PPIG: variants seen among roughly 807,000 people sequenced by gnomAD.
PPIG encodes the protein peptidylprolyl isomerase G.
PPIG carries 26 observed loss-of-function variants against 87.9 expected under a neutral mutation model. The ratio of observed to expected loss-of-function variants is 0.30; its 90% CI spans 0.22 to 0.41. The LOEUF is 0.41. Among genes scored for constraint, PPIG ranks in the 10% least tolerant of loss-of-function variants. PPIG has a pLI of 1.00. For missense variants in PPIG, 722 were observed against 879.4 expected, an observed-to-expected ratio of 0.82 and a Z score of 2.26; for synonymous variants, 308 against 276.5, an observed-to-expected ratio of 1.11 and a Z score of -1.13.
intron 1 of PPIG, among the ~76,000 whole-genome samples, chr2:169,585,349 C>G (rs1229591236): frequency 1.4e-5 from 2 of 147,474 alleles, no homozygotes; most frequent in African/African-American, 2.5e-5. Context: ...GCAACCTCCG[C>G]CTCCTGGGTT....
At chr2:169,603,060 A>G (rs78308866) in intron 1 of PPIG, among the ~76,000 whole-genome samples, 4,136 of 152,302 alleles carry the variant, frequency 0.027, 78 homozygotes, top group East Asian at 0.1. Flanking sequence ...ATGTTTACTG[A>G]GTATTCAAGG....
chr2:169,607,221 A>C, intron 6 of PPIG, 73 bp downstream of exon 6: 1 of 973,278 alleles, frequency 1.0e-6, no homozygotes, highest in Non-Finnish European at 1.6e-6. Context: ...TATGGAATCA[A>C]TAACATTATT....
At chr2:169,620,617 A>T (rs1391603109) in intron 9 of PPIG, among the ~76,000 whole-genome samples, 1 of 152,164 alleles carries the variant, frequency 6.6e-6, no homozygotes, top group African/African-American at 2.4e-5. Flanking sequence ...TTAAGGGAAT[A>T]AATTATTTTT....
intron 13 of PPIG, 88 bp from the exon 14 acceptor site, chr2:169,636,325 T>G (rs1032969681): frequency 1.4e-6 from 2 of 1,469,322 alleles, no homozygotes; most frequent in African/African-American, 2.8e-5. Context: ...GCTGAATACC[T>G]TAAGAAAAGT....
intron 12 of PPIG, among the ~76,000 whole-genome samples, chr2:169,634,004 T>G (rs1425680586): frequency 1.3e-5 from 2 of 152,016 alleles, no homozygotes; most frequent in African/African-American, 4.8e-5. Flanking sequence ...AATTTTTGTA[T>G]TTTTAGTAGA....
At position 169,639,450 on chromosome 2, in the gene PPIG, T is replaced by C. The variant is rs1442946285; in HGVS notation, c.*1927T>C. On this transcript the variant is annotated 3_prime_UTR_variant, in exon 14 of 14. Transcript: ENST00000260970. ...TTAAGTCCATGCTAAGTAAAAATTC[T>C]TACATGTTGTCTGATCCCAGAGCTT... 1 of 152,106 alleles carries C rather than the reference T, an allele frequency of 6.6e-6. No homozygotes were observed. Among genetic ancestry groups the C allele is most frequent in the Non-Finnish European group, 1.5e-5 (1 of 67,950 alleles). 9.4% of individuals were successfully genotyped at this position (152,106 alleles called of 1,614,324 possible).
intron 1 of PPIG, among the ~76,000 whole-genome samples, chr2:169,593,570 T>G (rs922597947): frequency 7.2e-5 from 11 of 152,214 alleles, no homozygotes; most frequent in African/African-American, 2.7e-4. Flanking sequence ...TTTTTTTGTC[T>G]TCTTGTAAGT....
intron 7 of PPIG, among the ~76,000 whole-genome samples, chr2:169,613,013 CTATG>C (rs954627239): frequency 2.6e-5 from 4 of 152,168 alleles, no homozygotes; most frequent in Admixed American, 1.3e-4. Context: ...ATTTGCCACA[CTATG>C]TGTATCTGTA....
intron 7 of PPIG, among the ~76,000 whole-genome samples, chr2:169,610,842 A>G (rs183222448): frequency 2.6e-5 from 4 of 152,284 alleles, no homozygotes; most frequent in East Asian, 1.9e-4. Flanking sequence ...ATAGTACTCT[A>G]TTGTTTGTGT....
chr2:169,631,752 TTCTG>T lies in PPIG; in HGVS notation c.762-8_762-5del, dbSNP rs776829176. 1.2e-6 allele frequency: 2 copies of T among 1,613,628 alleles called. No individual in the cohort carries two copies. The highest frequency in any genetic ancestry group is 1.7e-6 in the Non-Finnish European group (2 of 1,179,778). Reference sequence around the variant, plus strand: ...ACCAACTGTAACTTGTTTTGTGTGTTTCTGTCTGTTAAGTGCATCTAGTGAGAGT... The same window carrying T: ...ACCAACTGTAACTTGTTTTGTGTGTTTCTGTTAAGTGCATCTAGTGAGAGT... On this transcript the variant is annotated splice_polypyrimidine_tract_variant and intron_variant, in intron 10 of 13. Transcript: ENST00000260970.
chr2:169,620,250 G>A (rs911505406), intron 9 of PPIG, among the ~76,000 whole-genome samples: 14 of 151,778 alleles, frequency 9.2e-5, no homozygotes, highest in African/African-American at 3.4e-4. Flanking sequence ...ATTTTTAGTT[G>A]ATTTTTATAT....
chr2:169,631,821 C>T lies in PPIG; in HGVS notation c.817C>T (p.Arg273Cys), dbSNP rs769815605. Residue 273 changes from arginine to cysteine, a missense_variant, in exon 11 of 14, where the codon CGT (arginine) becomes TGT (cysteine). Arg to Cys is a radical substitution (Grantham distance 180). This residue lies in a region of PPIG where 142 missense variants were observed against 152.8 expected (regional missense o/e 0.93). Coordinates refer to ENST00000260970, the MANE Select transcript of PPIG (RefSeq NM_004792.3). ...TGAAGCACAACCCCAGTCTACTGTC[C>T]GTCCAGAAGAGATCCCTCCTATACC... Reference protein sequence around the residue: ...NLEAQPQSTVRPEEIPPIPEN... With the variant: ...NLEAQPQSTVCPEEIPPIPEN... 25 of 1,613,376 alleles carry T rather than the reference C, an allele frequency of 1.5e-5. No homozygotes were observed. Among genetic ancestry groups the T allele is most frequent in the South Asian group, 1.1e-4 (10 of 91,060 alleles).
chr2:169,590,175 G>A (rs999381437), intron 1 of PPIG, among the ~76,000 whole-genome samples: 1 of 151,896 alleles, frequency 6.6e-6, no homozygotes, highest in Non-Finnish European at 1.5e-5. Flanking sequence ...AGCAGTACAT[G>A]TTTAAGAGGA....
At chr2:169,629,232 T>C (rs559903471) in intron 9 of PPIG, among the ~76,000 whole-genome samples, 2 of 152,248 alleles carry the variant, frequency 1.3e-5, no homozygotes, top group Non-Finnish European at 2.9e-5. Flanking sequence ...AATCTTGTTT[T>C]ACCCATCACT....
chr2:169,629,890 T>C (rs1294572912), intron 9 of PPIG, among the ~76,000 whole-genome samples: 1 of 152,212 alleles, frequency 6.6e-6, no homozygotes, highest in Non-Finnish European at 1.5e-5. Context: ...CTTTATACTT[T>C]ATGAGTATCA....
chr2:169,611,261 A>G (rs2683439), intron 7 of PPIG, among the ~76,000 whole-genome samples: 61,338 of 151,972 alleles, frequency 0.4, 13,017 homozygotes, highest in East Asian at 0.58. Flanking sequence ...AAAGAAAGAA[A>G]ACACAGATAA....
At chr2:169,608,588 A>T in intron 6 of PPIG, 83 bp from the exon 7 acceptor site, 1 of 740,582 alleles carries the variant, frequency 1.4e-6, no homozygotes, top group Non-Finnish European at 2.3e-6. Context: ...ACTAAATAAT[A>T]CATCAGATAT....
chr2:169,636,349 A>G (rs1686180299), intron 13 of PPIG, 64 bp from the exon 14 acceptor site: 2 of 1,462,144 alleles, frequency 1.4e-6, no homozygotes, highest in African/African-American at 2.8e-5. Flanking sequence ...ATATCATTTT[A>G]GCTAATAATA....
At chr2:169,633,298 T>A in intron 12 of PPIG, 51 bp downstream of exon 12, 1 of 1,346,472 alleles carries the variant, frequency 7.4e-7, no homozygotes, top group Non-Finnish European at 1.1e-6. Context: ...TTGTCTTCCT[T>A]AAATAATTTT....
Sources: gnomAD v4.1 joint callset for allele counts (sites outside exome capture counted in the v4.1 genomes callset) on GRCh38, gnomAD v4.1.1 for gene constraint, gnomAD v4.1.1 regional missense constraint, MANE v1.5 for transcripts, NCBI Gene and HGNC (gene_info 2026-07-23, HGNC 2026-07-21) for gene names.